ALPK3: variants seen among roughly 807,000 people sequenced by gnomAD.
The protein encoded by ALPK3 is alpha-protein kinase 3.
ALPK3 carries 102 observed loss-of-function variants against 140.0 expected under a neutral mutation model. The ratio of observed to expected loss-of-function variants is 0.73; its 90% CI spans 0.62 to 0.86. The LOEUF (loss-of-function observed/expected upper bound fraction) is 0.86. Ranked by LOEUF, ALPK3 falls within the 40% of genes least tolerant of loss-of-function variation. The probability of loss-of-function intolerance (pLI) is 0.00; values close to 1 mark genes in which losing one functional copy is unlikely to be tolerated. For missense variants in ALPK3, 2,254 were observed against 2,208.2 expected (o/e 1.02, Z -0.42); for synonymous variants, 938 against 898.5 (o/e 1.04, Z -0.79).
At position 84,864,539 on chromosome 15, in the gene ALPK3, C is replaced by A; in HGVS notation, c.4597C>A (p.Arg1533=). 6.2e-7 allele frequency: 1 copy of A among 1,614,194 alleles called. No individual in the cohort carries two copies. Among genetic ancestry groups the A allele is most frequent in the South Asian group, 1.1e-5 (1 of 91,076 alleles). The change falls in exon 12 of 14, where the codon CGG becomes AGG. Residue 1533 remains arginine, a synonymous_variant. Transcript: ENST00000258888. The part of the protein sequence containing the change: ...LGKPLESYCS[R]EWGCAEAPTA... ...CAAGCCCCTGGAGTCTTACTGTTCT[C>A]GGGAATGGGGCTGTGCTGAGGCTCC...
At chr15:84,847,597 G>A (rs944287029) in intron 5 of ALPK3, among the ~76,000 whole-genome samples, 3 of 152,078 alleles carry the variant, frequency 2.0e-5, no homozygotes, top group African/African-American at 7.2e-5. Flanking sequence ...CAGAAACAAT[G>A]GAGGCCAAAA....
rs780843840 is a variant in ALPK3, at chr15:84,859,882, G to T, written c.4072G>T (p.Asp1358Tyr). The stretch of plus-strand genomic sequence containing the variant: ...CAATGAGCACGGCTCGGCCTCCACC[G>T]ACTTCTGCCTCAGCCCTGAGGGTGA... ...IHNEHGSAST[D>Y]FCLSPEVLSG... Residue 1358 changes from aspartate (D) to tyrosine (Y), a missense_variant, in exon 8 of 14, where the codon GAC (aspartate) becomes TAC (tyrosine). Asp to Tyr is a radical substitution (Grantham distance 160, BLOSUM62 -3). Around this residue, in one of 3 missense-constraint regions of ALPK3, gnomAD observed 2,088 missense variants for 2,022.9 expected, o/e 1.03. Transcript: ENST00000258888. 8 of 1,613,916 alleles carry T rather than the reference G, an allele frequency of 5.0e-6. No individual in the cohort carries two copies. In the Admixed American group the frequency reaches 1.3e-4, roughly 27 times the overall value.
chr15:84,863,919 C>T (rs1442449433), intron 11 of ALPK3, among the ~76,000 whole-genome samples: 8 of 152,208 alleles, frequency 5.3e-5, no homozygotes, highest in African/African-American at 1.9e-4. Flanking sequence ...TTGGACACAG[C>T]AATTTCTGGG....
chr15:84,822,322 G>T (rs1236446177), intron 1 of ALPK3, among the ~76,000 whole-genome samples: 1 of 152,178 alleles, frequency 6.6e-6, no homozygotes, highest in Non-Finnish European at 1.5e-5. Flanking sequence ...CAACCCAGGA[G>T]CCCGGGGTTA....
chr15:84,843,579 C>T (rs1963691824), intron 5 of ALPK3, among the ~76,000 whole-genome samples: 1 of 152,146 alleles, frequency 6.6e-6, no homozygotes, highest in African/African-American at 2.4e-5. Context: ...TATTGAGTTA[C>T]TGACGAGCTC....
chr15:84,822,262 G>C (rs567835573), intron 1 of ALPK3, among the ~76,000 whole-genome samples: 1 of 152,286 alleles, frequency 6.6e-6, no homozygotes, highest in Non-Finnish European at 1.5e-5. Flanking sequence ...AGTAGTCCAA[G>C]ATGGCAGGTT....
Position 84,839,822 on chromosome 15 carries a change from G to T in ALPK3, c.543G>T (p.Trp181Cys). Residue 181 changes from tryptophan to cysteine, a missense_variant, in exon 5 of 14, where the codon TGG becomes TGT. Physicochemically the swap from Trp to Cys is radical, Grantham distance 215. This residue lies in a region of ALPK3 where 2,088 missense variants were observed against 2,022.9 expected (regional missense o/e 1.03). Transcript: ENST00000258888. Reference sequence around the variant, plus strand: ...CTGAGTACAAGATCCACCAGCGCTGGTTCGCCAAGTTGAAGCGCAAGGCTG... The same window carrying T: ...CTGAGTACAAGATCCACCAGCGCTGTTTCGCCAAGTTGAAGCGCAAGGCTG... ...TMTEYKIHQR[W>C]FAKLKRKAAA... is the part of the protein sequence containing the mutation. The T allele has an allele frequency of 1.9e-6, 3 of 1,614,148 alleles. No individual in the cohort carries two copies. Among genetic ancestry groups the T allele is most frequent in the Non-Finnish European group, 2.5e-6 (3 of 1,180,046 alleles).
chr15:84,820,777 C>T (rs112083179), intron 1 of ALPK3, among the ~76,000 whole-genome samples: 1 of 152,118 alleles, frequency 6.6e-6, no homozygotes. Context: ...CCACCATGCC[C>T]GGTTTAGATT....
chr15:84,852,800 T>C (rs1169082695), intron 5 of ALPK3, among the ~76,000 whole-genome samples: 3 of 152,216 alleles, frequency 2.0e-5, no homozygotes, highest in Non-Finnish European at 4.4e-5. Context: ...TGATAAGCCA[T>C]TGAAAGGTTT....
At chr15:84,843,026 C>T (rs114101018) in intron 5 of ALPK3, among the ~76,000 whole-genome samples, 2,609 of 152,252 alleles carry the variant, frequency 0.017, 48 homozygotes, top group African/African-American at 0.043. Flanking sequence ...TGGTGAGGAA[C>T]CCAATACCAG....
rs1438743201 is a variant in ALPK3 at position 84,868,498 on chromosome 15, C to T, written c.*42C>T. ...GGGCCTCCACCCAGCAGCAGACCAA[C>T]CAGGAAGCAGCTTGAACTGGATGGA... On this transcript the variant is annotated 3_prime_UTR_variant, in exon 14 of 14. Coordinates refer to ENST00000258888, the MANE Select transcript of ALPK3 (RefSeq NM_020778.5). The T allele has an allele frequency of 1.4e-5, 21 of 1,537,836 alleles. No homozygotes were observed. Among genetic ancestry groups the T allele is most frequent in the Non-Finnish European group, 1.8e-5 (20 of 1,141,704 alleles).
At position 84,859,858 on chromosome 15, in the gene ALPK3, A is replaced by G. The variant is rs1458492465; in HGVS notation, c.4048A>G (p.Asn1350Asp). ...CGGTGTGTATCGGTGCACCATCCAC[A>G]ATGAGCACGGCTCGGCCTCCACCGA... ...DCGVYRCTIH[N>D]EHGSASTDFC... is the part of the protein sequence containing the mutation. The change falls in exon 8 of 14, where the codon AAT becomes GAT. Residue 1350 changes from asparagine (N) to aspartate (D), a missense_variant. Physicochemically the swap from Asn to Asp is conservative, Grantham distance 23. Around this residue, in one of 3 missense-constraint regions of ALPK3, gnomAD observed 2,088 missense variants for 2,022.9 expected, o/e 1.03. Coordinates refer to ENST00000258888, the MANE Select transcript of ALPK3 (RefSeq NM_020778.5). 1 of 1,614,034 alleles carries G rather than the reference A, an allele frequency of 6.2e-7. No homozygotes were observed. The highest frequency in any genetic ancestry group is 8.5e-7 in the Non-Finnish European group (1 of 1,180,026).
At position 84,867,318 on chromosome 15, in the gene ALPK3, G is replaced by T. The variant is rs746383287; in HGVS notation, c.4725G>T (p.Gly1575=). 13 of 1,613,784 alleles carry T rather than the reference G, an allele frequency of 8.1e-6. No individual in the cohort carries two copies. In the Admixed American group the frequency reaches 2.2e-4, roughly 27 times the overall value. Residue 1575 remains glycine (G), a splice_region_variant and synonymous_variant, in exon 13 of 14, where the codon GGG becomes GGT. Transcript: ENST00000258888. The part of the protein sequence containing the change: ...NGSFLVTDLA[G]VDWKMTDVQI... ...ACTCCCAACTTTCTCTCTTTTCAGG[G>T]GTTGACTGGAAGATGACTGATGTGC...
At chr15:84,826,338 C>T (rs1963488715) in intron 2 of ALPK3, among the ~76,000 whole-genome samples, 3 of 152,314 alleles carry the variant, frequency 2.0e-5, no homozygotes, top group Middle Eastern at 6.8e-3. Context: ...GTGACCATCC[C>T]TTCCTCTAAG....
At chr15:84,861,285 T>G (rs1963942912) in intron 9 of ALPK3, among the ~76,000 whole-genome samples, 1 of 152,220 alleles carries the variant, frequency 6.6e-6, no homozygotes, top group Non-Finnish European at 1.5e-5. Context: ...TTTTGTTGAT[T>G]GTGTTCCCAT....
intron 2 of ALPK3, among the ~76,000 whole-genome samples, chr15:84,824,050 G>A (rs1396027913): frequency 6.6e-6 from 1 of 152,192 alleles, no homozygotes; most frequent in Non-Finnish European, 1.5e-5. Context: ...ACATACCTAG[G>A]TGTGATACCT....
At chr15:84,835,631 A>C (rs1237081077) in intron 3 of ALPK3, among the ~76,000 whole-genome samples, 1 of 152,160 alleles carries the variant, frequency 6.6e-6, no homozygotes, top group Non-Finnish European at 1.5e-5. Flanking sequence ...ATAGTCAATG[A>C]CAGTATTGTG....
At chr15:84,827,719 G>A (rs995905961) in intron 3 of ALPK3, 114 bp downstream of exon 3, 1 of 1,408,286 alleles carries the variant, frequency 7.1e-7, no homozygotes, top group African/African-American at 1.4e-5. Context: ...AACTACGTGA[G>A]GTGACATTTA....
At chr15:84,864,371 C>G in intron 11 of ALPK3, 71 bp from the exon 12 acceptor site, 1 of 1,473,088 alleles carries the variant, frequency 6.8e-7, no homozygotes, top group Non-Finnish European at 9.4e-7. Context: ...TCCAAGAATA[C>G]AGAATTGGGT....
Sources: allele counts gnomAD v4.1 joint callset (sites outside exome capture counted in the v4.1 genomes callset), GRCh38; gene constraint gnomAD v4.1.1; regional missense constraint gnomAD v4.1.1; transcripts MANE v1.5; gene names NCBI Gene and HGNC (gene_info 2026-07-23, HGNC 2026-07-21).